Variants in KCNS3 observed in about 807,000 individuals in gnomAD.
KCNS3 encodes potassium voltage-gated channel modifier subfamily S member 3.
A neutral mutation model predicts 31.0 loss-of-function variants in KCNS3; 13 were observed. The ratio of observed to expected loss-of-function variants is 0.42; its 90% confidence interval spans 0.27 to 0.67. The LOEUF is 0.67. Among genes scored for constraint, KCNS3 ranks in the 30% least tolerant of loss-of-function variants. The pLI is 0.25. For missense variants in KCNS3, 545 were observed against 622.4 expected, an observed-to-expected ratio of 0.88 and a Z score of 1.32; for synonymous variants, 238 against 241.5, an observed-to-expected ratio of 0.99 and a Z score of 0.13.
At position 17,930,416 on chromosome 2, in the gene KCNS3, C is replaced by T. The variant is rs78718932; in HGVS notation, c.-59-534C>T. 1.2e-3 allele frequency among the ~76,000 whole-genome samples: 185 copies of T among 152,198 alleles called. 2 individuals are homozygous for T. In the East Asian group the frequency reaches 0.02, roughly 16 times the overall value. The stretch of plus-strand genomic sequence containing the variant: ...CTCTTAAAGGAGTAAAACATTGGTA[C>T]GCAAAGGGAAACTCACATCCTTTGT... On this transcript the variant is annotated intron_variant, in intron 2 of 2. Transcript: ENST00000304101.
intron 2 of KCNS3, among the ~76,000 whole-genome samples, chr2:17,929,710 C>T (rs186168910): frequency 2.4e-4 from 37 of 152,314 alleles, no homozygotes; most frequent in South Asian, 2.1e-4. Flanking sequence ...ACTGACCTCT[C>T]GCATAGCATG....
At position 17,932,244 on chromosome 2, in the gene KCNS3, C is replaced by CTTT. The variant is rs749834295; in HGVS notation, c.1237_1238insTTT (p.Tyr412_Tyr413insPhe). ...TCATCTTCAACAAGTTTTCCAAGTA[C>CTTT]TACCAGAAGCAAAAGGACATTGATG... On this transcript the variant is annotated inframe_insertion, in exon 3 of 3. Coordinates refer to ENST00000304101, the MANE Select transcript of KCNS3 (RefSeq NM_002252.5). 1 of 1,613,876 alleles carries CTTT rather than the reference C, an allele frequency of 6.2e-7. No homozygotes were observed. Among genetic ancestry groups the CTTT allele is most frequent in the African/African-American group, 1.3e-5 (1 of 74,912 alleles).
At chr2:17,916,449 A>T in intron 1 of KCNS3, among the ~76,000 whole-genome samples, 1 of 152,182 alleles carries the variant, frequency 6.6e-6, no homozygotes, top group East Asian at 1.9e-4. Context: ...CCCTGTTGAG[A>T]TTTCTCTACC....
intron 1 of KCNS3, among the ~76,000 whole-genome samples, chr2:17,885,311 A>G (rs1195892907): frequency 6.6e-6 from 1 of 152,158 alleles, no homozygotes; most frequent in Non-Finnish European, 1.5e-5. Flanking sequence ...TCTTCATTGC[A>G]TGAGACGCTT....
intron 1 of KCNS3, among the ~76,000 whole-genome samples, chr2:17,882,046 C>T (rs1674655802): frequency 6.6e-6 from 1 of 152,162 alleles, no homozygotes; most frequent in East Asian, 1.9e-4. Flanking sequence ...ACACTTTGTA[C>T]TCCGACGCAA....
chr2:17,928,613 T>C (rs960831259), intron 2 of KCNS3, among the ~76,000 whole-genome samples: 1 of 152,138 alleles, frequency 6.6e-6, no homozygotes, highest in Non-Finnish European at 1.5e-5. Context: ...CTTTGTTGAA[T>C]TTTTTTTAAA....
At chr2:17,901,346 T>C (rs1662169065) in intron 1 of KCNS3, among the ~76,000 whole-genome samples, 1 of 151,184 alleles carries the variant, frequency 6.6e-6, no homozygotes, top group Non-Finnish European at 1.5e-5. Flanking sequence ...AAAAATCGAG[T>C]TGAGAGGCAA....
At chr2:17,929,116 T>A in intron 2 of KCNS3, among the ~76,000 whole-genome samples, 1 of 152,212 alleles carries the variant, frequency 6.6e-6, no homozygotes, top group East Asian at 1.9e-4. Flanking sequence ...GCTGACAGAT[T>A]CTTTGGACTG....
intron 1 of KCNS3, among the ~76,000 whole-genome samples, chr2:17,900,873 C>A (rs919295201): frequency 1.3e-5 from 2 of 152,260 alleles, no homozygotes; most frequent in East Asian, 3.9e-4. Flanking sequence ...ATAATAATAA[C>A]AATTATAATA....
intron 1 of KCNS3, among the ~76,000 whole-genome samples, chr2:17,885,075 A>G (rs1027867469): frequency 9.2e-5 from 14 of 152,110 alleles, no homozygotes; most frequent in Non-Finnish European, 2.1e-4. Flanking sequence ...AGAACTATGA[A>G]TGGGGATGTA....
chr2:17,885,678 T>A (rs1353324154), intron 1 of KCNS3, among the ~76,000 whole-genome samples: 1 of 152,166 alleles, frequency 6.6e-6, no homozygotes, highest in Non-Finnish European at 1.5e-5. Flanking sequence ...CTGTTCAGGC[T>A]TTCAGCTGAT....
intron 1 of KCNS3, among the ~76,000 whole-genome samples, chr2:17,888,485 G>A (rs1661743819): frequency 6.6e-6 from 1 of 151,176 alleles, no homozygotes; most frequent in African/African-American, 2.4e-5. Context: ...TGGGGGGAGA[G>A]GGGAGGGATA....
chr2:17,878,898 G>C (rs1430377733), intron 1 of KCNS3, 92 bp downstream of exon 1: 1 of 152,464 alleles, frequency 6.6e-6, no homozygotes, highest in Non-Finnish European at 1.5e-5. Flanking sequence ...ACCTTTTGCT[G>C]CCCCAGTCTC....
At chr2:17,907,954 C>T (rs1305668594) in intron 1 of KCNS3, among the ~76,000 whole-genome samples, 4 of 152,214 alleles carry the variant, frequency 2.6e-5, no homozygotes, top group Admixed American at 6.5e-5. Flanking sequence ...TTGCTCTTCT[C>T]GAGGAGTATC....
intron 1 of KCNS3, among the ~76,000 whole-genome samples, chr2:17,881,093 A>G (rs1205351059): frequency 6.6e-6 from 1 of 152,208 alleles, no homozygotes; most frequent in Non-Finnish European, 1.5e-5. Flanking sequence ...TAACAACTGC[A>G]TGAGGATGTG....
At chr2:17,924,134 A>G (rs1212890466) in intron 2 of KCNS3, among the ~76,000 whole-genome samples, 1 of 151,462 alleles carries the variant, frequency 6.6e-6, no homozygotes, top group East Asian at 1.9e-4. Flanking sequence ...TGAAAATATA[A>G]TTGTTTTCTT....
intron 1 of KCNS3, among the ~76,000 whole-genome samples, chr2:17,912,467 G>T (rs76632565): frequency 0.074 from 11,198 of 152,288 alleles, 613 homozygotes; most frequent in African/African-American, 0.16. Context: ...AGGAGCAGTT[G>T]CATGGACCAC....
chr2:17,900,175 A>G (rs556894846), intron 1 of KCNS3, among the ~76,000 whole-genome samples: 1 of 152,286 alleles, frequency 6.6e-6, no homozygotes, highest in Admixed American at 6.5e-5. Context: ...CTTATTCATT[A>G]CTTTTGGCTG....
intron 1 of KCNS3, among the ~76,000 whole-genome samples, chr2:17,902,524 A>T (rs1345698050): frequency 1.3e-5 from 2 of 152,208 alleles, no homozygotes; most frequent in Non-Finnish European, 2.9e-5. Context: ...GGTGGTTTTT[A>T]TGAAAACAAA....
Sources: allele counts gnomAD v4.1 joint callset (sites outside exome capture counted in the v4.1 genomes callset), GRCh38; gene constraint gnomAD v4.1.1; transcripts MANE v1.5; gene names NCBI Gene and HGNC (gene_info 2026-07-23, HGNC 2026-07-21).